The following COL4A6 variants were observed in gnomAD, a reference collection of about 807,000 sequenced individuals.
The protein encoded by COL4A6 is collagen alpha-6(IV) chain.
A neutral mutation model predicts 126.7 loss-of-function variants in COL4A6; 59 were observed. That is an observed-to-expected ratio of 0.47 (90% confidence interval 0.38 to 0.58). The LOEUF is 0.58. Ranked by LOEUF, COL4A6 falls within the 20% of genes least tolerant of loss-of-function variation. The probability of loss-of-function intolerance (pLI) is 0.00; values close to 1 mark genes in which losing one functional copy is unlikely to be tolerated. For synonymous variants in COL4A6, 547 were observed against 496.6 expected (o/e 1.10, Z -1.35); for missense variants, 1,285 against 1,337.3 (o/e 0.96, Z 0.61).
chrX:108,300,470 G>T (rs1381522506), intron 3 of COL4A6, among the ~76,000 whole-genome samples: 2 of 107,997 alleles, frequency 1.9e-5, no homozygotes, highest in South Asian at 4.2e-4. Context: ...CCATTCTGTT[G>T]TGCTAGGGGG....
At chrX:108,356,928 G>A (rs1470972371) in intron 2 of COL4A6, among the ~76,000 whole-genome samples, 1 of 110,780 alleles carries the variant, frequency 9.0e-6, no homozygotes, top group African/African-American at 3.3e-5. Flanking sequence ...AAAAATGCCG[G>A]CAGACATTAA....
intron 3 of COL4A6, among the ~76,000 whole-genome samples, chrX:108,254,463 A>G (rs747222617): frequency 9.0e-6 from 1 of 111,563 alleles, no homozygotes; most frequent in Non-Finnish European, 1.9e-5. Context: ...ACTTCTAGAC[A>G]GTTGCAGTTG....
In COL4A6 at chrX:108,175,225, TG is replaced by T. The variant is rs1338811301; in HGVS notation, c.2831-11del. On this transcript the variant is annotated splice_polypyrimidine_tract_variant and intron_variant, in intron 29 of 44. Transcript: ENST00000334504. The stretch of plus-strand genomic sequence containing the variant: ...GGATTGCCTCTGTCTCCTGCAGGGA[TG>T]GAGATCAGCATGAGAAAGAGAGCTT... 2.6e-6 allele frequency: 3 copies of T among 1,162,642 alleles called. No individual in the cohort carries two copies. The highest frequency in any genetic ancestry group is 3.4e-6 in the Non-Finnish European group (3 of 874,071).
chrX:108,175,252 A>C (rs2148101571), intron 29 of COL4A6, 37 bp from the exon 30 acceptor site: 1 of 1,136,320 alleles, frequency 8.8e-7, no homozygotes, highest in Admixed American at 2.9e-5. Flanking sequence ...AAGAGAGCTT[A>C]GACGCAGGGT....
intron 2 of COL4A6, among the ~76,000 whole-genome samples, chrX:108,403,913 C>T (rs1346929316): frequency 9.0e-6 from 1 of 111,361 alleles, no homozygotes; most frequent in Non-Finnish European, 1.9e-5. Context: ...TCTGCTTGTA[C>T]TGGAAGGGAA....
chrX:108,356,055 G>A lies in COL4A6; in HGVS notation c.64-45227C>T, dbSNP rs773781601. On this transcript the variant is annotated intron_variant, in intron 2 of 44. Transcript: ENST00000334504. Reference sequence around the variant, plus strand: ...AGTCTTTATCTGCACCCATTAACTCGTCATTTAGCATTAGGTATATCTCCT... The same window carrying A: ...AGTCTTTATCTGCACCCATTAACTCATCATTTAGCATTAGGTATATCTCCT... 9.2e-5 allele frequency among the ~76,000 whole-genome samples: 10 copies of A among 108,694 alleles called. No homozygotes were observed. In the East Asian group the frequency reaches 1.5e-3, roughly 16 times the overall value. The allele number at this position is 108,694 out of a possible 115,157, so 94.4% of individuals were successfully genotyped here.
intron 2 of COL4A6, among the ~76,000 whole-genome samples, chrX:108,373,395 C>G (rs771841119): frequency 2.7e-5 from 3 of 111,729 alleles, no homozygotes; most frequent in Non-Finnish European, 5.6e-5. Flanking sequence ...TTTTCAAATC[C>G]CAGAATGCCT....
intron 2 of COL4A6, among the ~76,000 whole-genome samples, chrX:108,313,243 C>A (rs749536658): frequency 9.0e-6 from 1 of 111,329 alleles, no homozygotes; most frequent in East Asian, 2.8e-4. Flanking sequence ...GGACACTCCA[C>A]CCCCTGCTTG....
chrX:108,172,242 T>A (rs1172009853), intron 32 of COL4A6, among the ~76,000 whole-genome samples: 1 of 107,787 alleles, frequency 9.3e-6, no homozygotes, highest in Non-Finnish European at 1.9e-5. Context: ...CCCAGCTACT[T>A]AGGAAGCTGA....
intron 3 of COL4A6, among the ~76,000 whole-genome samples, chrX:108,277,653 G>A (rs1411770220): frequency 4.5e-5 from 5 of 112,014 alleles, no homozygotes; most frequent in South Asian, 3.8e-4. Context: ...CTCCCAGCAC[G>A]CAGCTGGAGA....
At chrX:108,183,707 C>A in intron 23 of COL4A6, 4 of 925,059 alleles carry the variant, frequency 4.3e-6, no homozygotes, top group Non-Finnish European at 5.4e-6. Flanking sequence ...GCTTGTAGAC[C>A]TAGCTAGCTC....
At chrX:108,188,350 G>A (rs1432498499) in intron 21 of COL4A6, among the ~76,000 whole-genome samples, 167 bp downstream of exon 21, 1 of 112,303 alleles carries the variant, frequency 8.9e-6, no homozygotes, top group Non-Finnish European at 1.9e-5. Context: ...AAAGCAGAAA[G>A]GACTTTAAGA....
chrX:108,335,830 C>T (rs186297324), intron 2 of COL4A6, among the ~76,000 whole-genome samples: 1 of 110,985 alleles, frequency 9.0e-6, no homozygotes, highest in African/African-American at 3.3e-5. Flanking sequence ...AATAAGACTA[C>T]TACAGGATAT....
At chrX:108,411,061 A>T (rs188046706) in intron 2 of COL4A6, among the ~76,000 whole-genome samples, 1 of 112,533 alleles carries the variant, frequency 8.9e-6, no homozygotes, top group Non-Finnish European at 1.9e-5. Flanking sequence ...AAAGATGAAG[A>T]ATTTGGGCAC....
chrX:108,273,603 T>C (rs1314100496), intron 3 of COL4A6, among the ~76,000 whole-genome samples: 2 of 112,459 alleles, frequency 1.8e-5, no homozygotes, highest in African/African-American at 6.5e-5. Context: ...AATGATAGAC[T>C]GGATTAAGAA....
chrX:108,299,292 C>A (rs1444161951), intron 3 of COL4A6, among the ~76,000 whole-genome samples: 3 of 111,860 alleles, frequency 2.7e-5, no homozygotes, highest in Non-Finnish European at 5.6e-5. Flanking sequence ...ACGTTTAACC[C>A]CTGGCTTCCT....
chrX:108,344,507 G>T (rs985043822), intron 2 of COL4A6, among the ~76,000 whole-genome samples: 4 of 111,930 alleles, frequency 3.6e-5, no homozygotes, highest in Non-Finnish European at 5.6e-5. Flanking sequence ...ATTTTGCTGA[G>T]ACTCAGCACT....
intron 2 of COL4A6, among the ~76,000 whole-genome samples, chrX:108,384,822 T>A (rs2040646772): frequency 8.9e-6 from 1 of 111,894 alleles, no homozygotes; most frequent in South Asian, 3.7e-4. Context: ...ATGGGGAATC[T>A]AAAGGGAAAA....
At chrX:108,219,804 G>T (rs148578520) in intron 4 of COL4A6, 62 bp from the exon 5 acceptor site, 1 of 970,933 alleles carries the variant, frequency 1.0e-6, no homozygotes, top group East Asian at 3.1e-5. Flanking sequence ...GTTAGACTCA[G>T]TAGGTTTATG....
Sources: gnomAD v4.1 joint callset for allele counts (sites outside exome capture counted in the v4.1 genomes callset) on GRCh38, gnomAD v4.1.1 for gene constraint, MANE v1.5 for transcripts, NCBI Gene and HGNC (gene_info 2026-07-23, HGNC 2026-07-21) for gene names.